The following DNAJC8 variants were observed in gnomAD, a reference collection of about 807,000 sequenced individuals.
The protein encoded by DNAJC8 is dnaJ homolog subfamily C member 8.
In DNAJC8, 24 loss-of-function variants were observed where a neutral mutation model predicts 43.2. That is an observed-to-expected ratio of 0.56 (90% CI 0.40 to 0.78). The LOEUF is 0.78. Among genes scored for constraint, DNAJC8 ranks in the 30% least tolerant of loss-of-function variants. The probability of loss-of-function intolerance (pLI) is 0.00; values close to 1 mark genes in which losing one functional copy is unlikely to be tolerated. For missense variants in DNAJC8, 207 were observed against 299.4 expected, an observed-to-expected ratio of 0.69 and a Z score of 2.28; for synonymous variants, 83 against 98.0, an observed-to-expected ratio of 0.85 and a Z score of 0.90.
In DNAJC8 at chr1:28,231,325, G is replaced by GTGA. The variant is rs1383004699; in HGVS notation, c.78+1593_78+1595dup. Among the ~76,000 whole-genome samples, 4 of 152,322 alleles carry GTGA rather than the reference G, an allele frequency of 2.6e-5. No individual in the cohort carries two copies. The East Asian group carries it at 7.7e-4, about 29-fold the overall frequency. On this transcript the variant is annotated intron_variant, in intron 1 of 8. Coordinates refer to ENST00000263697, the MANE Select transcript of DNAJC8 (RefSeq NM_014280.3). ...GTTGTGCATTCCAGCTTGGGCAAGAGTGAGGCTCTGTCTCAAAATAAATAA... is the reference window on the plus strand; with the variant it reads ...GTTGTGCATTCCAGCTTGGGCAAGAGTGATGAGGCTCTGTCTCAAAATAAATAA...
chr1:28,214,847 G>T, intron 3 of DNAJC8, 93 bp downstream of exon 3: 4 of 1,099,438 alleles, frequency 3.6e-6, no homozygotes, highest in African/African-American at 1.6e-5. Context: ...TTAAATTTTG[G>T]CCCAAACATA....
intron 3 of DNAJC8, among the ~76,000 whole-genome samples, chr1:28,212,150 C>T (rs978029894): frequency 1.1e-4 from 10 of 89,826 alleles, no homozygotes; most frequent in East Asian, 4.1e-4. Flanking sequence ...AGCCGGACTC[C>T]GTCTCAATAA....
At chr1:28,201,788 T>C (rs531482289) in intron 8 of DNAJC8, among the ~76,000 whole-genome samples, 1 of 85,534 alleles carries the variant, frequency 1.2e-5, no homozygotes, top group Non-Finnish European at 2.2e-5. Context: ...AGACTTTGTA[T>C]CAAAAAAAAA....
chr1:28,225,193 G>A (rs765445158), intron 2 of DNAJC8, among the ~76,000 whole-genome samples: 6 of 151,200 alleles, frequency 4.0e-5, no homozygotes, highest in Non-Finnish European at 5.9e-5. Flanking sequence ...CAATGTATCA[G>A]GGTTCATTTC....
rs370236951 is a variant in DNAJC8 at position 28,233,006 on chromosome 1, G to T, written c.-8C>A. 3 of 1,610,952 alleles carry T rather than the reference G, an allele frequency of 1.9e-6. No individual in the cohort carries two copies. Among genetic ancestry groups the T allele is most frequent in the African/African-American group, 2.7e-5 (2 of 74,864 alleles). On this transcript the variant is annotated 5_prime_UTR_variant, in exon 1 of 9. Coordinates refer to ENST00000263697, the MANE Select transcript of DNAJC8 (RefSeq NM_014280.3). ...CTCTCCTGAAGCCGCCATTTCCCCG[G>T]CCCAGCCACCACGTGACCCTTCTGC...
At chr1:28,201,893 G>C (rs540068102) in intron 8 of DNAJC8, among the ~76,000 whole-genome samples, 110 of 151,592 alleles carry the variant, frequency 7.3e-4, no homozygotes, top group African/African-American at 2.5e-3. Flanking sequence ...TTCGAGACCA[G>C]CCTGACCAAT....
intron 2 of DNAJC8, among the ~76,000 whole-genome samples, chr1:28,223,550 G>A (rs1646913179): frequency 6.6e-6 from 1 of 152,016 alleles, no homozygotes; most frequent in African/African-American, 2.4e-5. Context: ...CATACAGAGA[G>A]ATCAATTAAG....
chr1:28,216,166 T>C (rs1037558062), intron 2 of DNAJC8, among the ~76,000 whole-genome samples: 20 of 152,064 alleles, frequency 1.3e-4, no homozygotes, highest in Non-Finnish European at 2.8e-4. Flanking sequence ...CTGGCCAACA[T>C]GGAGAAACCC....
intron 6 of DNAJC8, among the ~76,000 whole-genome samples, chr1:28,207,068 G>GA (rs5773213): frequency 3.8e-4 from 56 of 147,748 alleles, no homozygotes; most frequent in South Asian, 3.5e-3. Flanking sequence ...TTATAATCAG[G>GA]AAAAAAAAAA....
chr1:28,211,396 T>G (rs556076723), intron 3 of DNAJC8, among the ~76,000 whole-genome samples: 1 of 152,352 alleles, frequency 6.6e-6, no homozygotes, highest in East Asian at 1.9e-4. Flanking sequence ...TTAGGGATGC[T>G]CGACCATTAT....
chr1:28,222,057 G>A (rs924235514), intron 2 of DNAJC8, among the ~76,000 whole-genome samples: 64 of 152,276 alleles, frequency 4.2e-4, no homozygotes, highest in African/African-American at 1.5e-3. Flanking sequence ...AAAGTAGAAT[G>A]GTGGTTACCA....
chr1:28,227,407 C>CAAA (rs1190572347), intron 2 of DNAJC8, among the ~76,000 whole-genome samples: 7 of 49,168 alleles, frequency 1.4e-4, no homozygotes, highest in Admixed American at 4.7e-4. Flanking sequence ...GACTTCATCT[C>CAAA]AAAAAAAAAA....
chr1:28,204,768 T>C (rs1484607872), intron 7 of DNAJC8, among the ~76,000 whole-genome samples: 3 of 152,106 alleles, frequency 2.0e-5, no homozygotes, highest in Admixed American at 2.0e-4. Flanking sequence ...CTCATGCCTG[T>C]AATCCTAACA....
intron 3 of DNAJC8, among the ~76,000 whole-genome samples, chr1:28,212,272 CTTTTTTT>C (rs528978849): frequency 0.4 from 36,711 of 90,840 alleles, 6,885 homozygotes; most frequent in African/African-American, 0.52. Flanking sequence ...TTGTTCTATT[CTTTTTTT>C]TTTTTTTTTT....
chr1:28,225,597 T>C (rs879640684), intron 2 of DNAJC8, among the ~76,000 whole-genome samples: 11 of 151,064 alleles, frequency 7.3e-5, no homozygotes, highest in Admixed American at 6.6e-4. Context: ...GAGTTTCTGG[T>C]TGGGGTGACG....
Position 28,225,079 on chromosome 1 carries a change from G to A in DNAJC8, c.180+3843C>T, listed in dbSNP as rs761109838. 2.1e-4 allele frequency among the ~76,000 whole-genome samples: 32 copies of A among 151,078 alleles called. 2 individuals carry two copies. The highest frequency in any genetic ancestry group is 3.0e-4 in the Non-Finnish European group (20 of 67,702). ...GGGACAATTAGTAAAACCTGAATGG[G>A]GTCTGATGATTATATAGTAACAATG... is the stretch of plus-strand genomic sequence containing the variant. On this transcript the variant is annotated intron_variant, in intron 2 of 8. Transcript: ENST00000263697.
At chr1:28,209,534 ACCT>A (rs989606553) in intron 5 of DNAJC8, among the ~76,000 whole-genome samples, 4 of 152,028 alleles carry the variant, frequency 2.6e-5, no homozygotes, top group Admixed American at 6.6e-5. Context: ...ATGGACATAA[ACCT>A]CCTCCTATTT....
At chr1:28,211,977 G>A (rs1646813488) in intron 3 of DNAJC8, among the ~76,000 whole-genome samples, 2 of 150,996 alleles carry the variant, frequency 1.3e-5, no homozygotes, top group African/African-American at 4.9e-5. Context: ...CCTACATGGT[G>A]AAACCCCGTC....
intron 7 of DNAJC8, 61 bp from the exon 8 acceptor site, chr1:28,203,883 A>G: frequency 6.6e-7 from 1 of 1,525,458 alleles, no homozygotes; most frequent in African/African-American, 1.4e-5. Flanking sequence ...TAACCATACA[A>G]GGTGGCATCT....
Sources: gnomAD v4.1 joint callset for allele counts (sites outside exome capture counted in the v4.1 genomes callset) on GRCh38, gnomAD v4.1.1 for gene constraint, MANE v1.5 for transcripts, NCBI Gene and HGNC (gene_info 2026-07-23, HGNC 2026-07-21) for gene names.